The following CCDC171 variants were observed in gnomAD, a reference collection of about 807,000 sequenced individuals.
CCDC171 encodes the protein coiled-coil domain-containing protein 171.
Under a neutral mutation model 168.2 loss-of-function variants are expected in CCDC171, and 177 were observed. The ratio of observed to expected loss-of-function variants is 1.05; its 90% CI spans 0.93 to 1.19. The LOEUF (loss-of-function observed/expected upper bound fraction) is 1.19. CCDC171 is among the 50% of genes most tolerant of loss of function. CCDC171 has a pLI of 0.00. For missense variants in CCDC171, 1,991 were observed against 1,539.0 expected, an observed-to-expected ratio of 1.29 and a Z score of -4.91; for synonymous variants, 687 against 540.8, an observed-to-expected ratio of 1.27 and a Z score of -3.75.
chr9:15,804,421 T>C (rs1394386174), intron 21 of CCDC171, among the ~76,000 whole-genome samples: 1 of 151,874 alleles, frequency 6.6e-6, no homozygotes, highest in Non-Finnish European at 1.5e-5. Context: ...ACCTAGTTTA[T>C]TGATCTTTAA....
intron 6 of CCDC171, among the ~76,000 whole-genome samples, chr9:15,614,042 T>C (rs374668338): frequency 2.2e-4 from 33 of 152,188 alleles, no homozygotes; most frequent in African/African-American, 8.0e-4. Context: ...GGTTCTTTCT[T>C]TATGTTGGAG....
intron 6 of CCDC171, among the ~76,000 whole-genome samples, chr9:15,597,981 C>A (rs759516494): frequency 1.3e-5 from 2 of 151,966 alleles, no homozygotes; most frequent in Non-Finnish European, 1.5e-5. Context: ...TTTGTGGGAT[C>A]GGTGGTGATA....
intron 6 of CCDC171, among the ~76,000 whole-genome samples, chr9:15,595,483 C>CT (rs2042279575): frequency 6.6e-6 from 1 of 152,014 alleles, no homozygotes; most frequent in Non-Finnish European, 1.5e-5. Flanking sequence ...TGAACTTATC[C>CT]TTTTTTATGG....
chr9:15,959,432 A>C (rs527824326), intron 25 of CCDC171, among the ~76,000 whole-genome samples: 9 of 152,334 alleles, frequency 5.9e-5, no homozygotes, highest in African/African-American at 1.9e-4. Flanking sequence ...GTAAGCAAAC[A>C]TACAGTAAAG....
chr9:15,822,499 A>T (rs187319210), intron 21 of CCDC171, among the ~76,000 whole-genome samples: 243 of 152,262 alleles, frequency 1.6e-3, no homozygotes, highest in Non-Finnish European at 2.7e-3. Context: ...AAAAAAACAA[A>T]CACCCACATG....
chr9:15,703,549 A>G (rs1005355962), intron 11 of CCDC171, among the ~76,000 whole-genome samples: 2 of 152,130 alleles, frequency 1.3e-5, no homozygotes, highest in African/African-American at 2.4e-5. Flanking sequence ...ACTTAACATA[A>G]TGTCCTCCAG....
chr9:16,056,189 G>C (rs1198501388), intron 1 of CCDC171, among the ~76,000 whole-genome samples: 1 of 152,182 alleles, frequency 6.6e-6, no homozygotes, highest in Non-Finnish European at 1.5e-5. Context: ...TAAGAAATTT[G>C]TGTCTTTTCC....
chr9:15,790,091 T>A (rs1317831530), intron 21 of CCDC171, among the ~76,000 whole-genome samples: 1 of 152,184 alleles, frequency 6.6e-6, no homozygotes, highest in Non-Finnish European at 1.5e-5. Flanking sequence ...GCAGCATGAT[T>A]TATAATCCTT....
intron 21 of CCDC171, among the ~76,000 whole-genome samples, chr9:15,799,158 A>ATATATATATG (rs1444975198): frequency 3.4e-4 from 49 of 143,964 alleles, no homozygotes; most frequent in African/African-American, 1.2e-3. Context: ...ATATATATAT[A>ATATATATATG]TATATATACC....
At chr9:15,652,481 T>C (rs1435363599) in intron 7 of CCDC171, among the ~76,000 whole-genome samples, 1 of 151,916 alleles carries the variant, frequency 6.6e-6, no homozygotes, top group African/African-American at 2.4e-5. Flanking sequence ...AGTCTGGCTC[T>C]GTCACCTGGC....
intron 6 of CCDC171, among the ~76,000 whole-genome samples, chr9:15,601,997 T>C (rs1437421057): frequency 6.6e-6 from 1 of 152,192 alleles, no homozygotes; most frequent in African/African-American, 2.4e-5. Flanking sequence ...GAATTTAAAA[T>C]TAGGCATCTG....
intron 24 of CCDC171, among the ~76,000 whole-genome samples, chr9:15,906,335 G>T (rs1463794437): frequency 2.0e-5 from 3 of 152,076 alleles, no homozygotes; most frequent in African/African-American, 7.2e-5. Context: ...ATGATCAAGT[G>T]GGCTTCATCC....
intron 6 of CCDC171, among the ~76,000 whole-genome samples, chr9:15,608,673 TG>T (rs2043401213): frequency 6.6e-6 from 1 of 151,394 alleles, no homozygotes; most frequent in African/African-American, 2.4e-5. Context: ...AACTTTTGGC[TG>T]GGGGTGGTGG....
intron 7 of CCDC171, among the ~76,000 whole-genome samples, chr9:15,650,543 A>T (rs935322748): frequency 1.3e-5 from 2 of 152,114 alleles, no homozygotes; most frequent in African/African-American, 4.8e-5. Flanking sequence ...TTTTTAGACA[A>T]ATGTCTAAGT....
upstream of CCDC171, among the ~76,000 whole-genome samples, chr9:16,038,097 C>T (rs1260816307): frequency 6.6e-6 from 1 of 152,104 alleles, no homozygotes; most frequent in Non-Finnish European, 1.5e-5. Flanking sequence ...GATTTCTTGA[C>T]AGCAACAACA....
At chr9:16,047,984 G>A (rs371593607) in intron 1 of CCDC171, among the ~76,000 whole-genome samples, 60 of 152,316 alleles carry the variant, frequency 3.9e-4, no homozygotes, top group African/African-American at 1.4e-3. Context: ...CTCTCAGAGA[G>A]GTAGGGAGTG....
the CCDC171 span, among the ~76,000 whole-genome samples, chr9:16,097,900 C>T: frequency 6.6e-6 from 1 of 152,210 alleles, no homozygotes; most frequent in African/African-American, 2.4e-5. Flanking sequence ...GCCTTCTTTG[C>T]ACCCCATGCA....
rs1171218295 is a variant in CCDC171, at chr9:15,741,920, A to G, written c.2050-2353A>G. ...ACTGACTTTAGGATACAGTGTCTCT[A>G]TCTCTACCTGTATCTACATGCACAA... On this transcript the variant is annotated intron_variant, in intron 16 of 25. Coordinates refer to ENST00000380701, the MANE Select transcript of CCDC171 (RefSeq NM_173550.4). 2.0e-5 allele frequency among the ~76,000 whole-genome samples: 3 copies of G among 152,174 alleles called. No individual in the cohort carries two copies. In the East Asian group the frequency reaches 5.8e-4, roughly 29 times the overall value.
chr9:15,914,555 C>T (rs1271487996), intron 24 of CCDC171, among the ~76,000 whole-genome samples: 1 of 152,196 alleles, frequency 6.6e-6, no homozygotes, highest in East Asian at 1.9e-4. Context: ...GCGAGAATTT[C>T]AAGCCAGTGG....
Sources: allele counts gnomAD v4.1 joint callset (sites outside exome capture counted in the v4.1 genomes callset), GRCh38; gene constraint gnomAD v4.1.1; transcripts MANE v1.5; gene names NCBI Gene and HGNC (gene_info 2026-07-23, HGNC 2026-07-21).